Variants in NOL10 observed in about 807,000 individuals in gnomAD.
NOL10 encodes the protein nucleolar protein 10, also known as H_NH0074G24.1.
In NOL10, 58 loss-of-function variants were observed where a neutral mutation model predicts 103.5. That is an observed-to-expected ratio of 0.56 (90% CI 0.45 to 0.70). The LOEUF is 0.70. Among genes scored for constraint, NOL10 ranks in the 30% least tolerant of loss-of-function variants. NOL10 has a pLI of 0.00. For synonymous variants in NOL10, 287 were observed against 282.5 expected (o/e 1.02, Z -0.16); for missense variants, 763 against 807.3 (o/e 0.95, Z 0.67).
At chr2:10,678,393 T>C (rs1482408705) in intron 3 of NOL10, among the ~76,000 whole-genome samples, 1 of 150,340 alleles carries the variant, frequency 6.7e-6, no homozygotes, top group Non-Finnish European at 1.5e-5. Context: ...TTACAAGTAT[T>C]ACTTTGGCCA....
chr2:10,599,832 G>A (rs1258128666), intron 17 of NOL10, among the ~76,000 whole-genome samples: 1 of 152,110 alleles, frequency 6.6e-6, no homozygotes, highest in Non-Finnish European at 1.5e-5. Context: ...GTGACCCCAT[G>A]AAGACGAGCA....
At chr2:10,614,053 G>A (rs1676711022) in intron 13 of NOL10, among the ~76,000 whole-genome samples, 2 of 151,218 alleles carry the variant, frequency 1.3e-5, no homozygotes, top group Non-Finnish European at 2.9e-5. Flanking sequence ...TCCGCCTCCC[G>A]GGTTCAAGTG....
chr2:10,602,111 T>C (rs763171185), intron 16 of NOL10, among the ~76,000 whole-genome samples: 3 of 152,200 alleles, frequency 2.0e-5, no homozygotes, highest in Non-Finnish European at 4.4e-5. Context: ...CAGTTTGCAG[T>C]TTCCAACGCT....
At chr2:10,576,606 A>G (rs1462112030) in intron 20 of NOL10, among the ~76,000 whole-genome samples, 1 of 152,276 alleles carries the variant, frequency 6.6e-6, no homozygotes, top group East Asian at 1.9e-4. Context: ...GAAAGAAGCC[A>G]GCTATGAAAG....
In NOL10 at chr2:10,604,187, C is replaced by T. The variant is rs568033294; in HGVS notation, c.1154-1030G>A. Reference sequence around the variant, plus strand: ...AGTCATGCTCACTTACCACTCGCCTCCTGCTGTGTGGCCCGGTTCCTCATA... The same window carrying T: ...AGTCATGCTCACTTACCACTCGCCTTCTGCTGTGTGGCCCGGTTCCTCATA... On this transcript the variant is annotated intron_variant, in intron 14 of 20. Coordinates refer to ENST00000381685, the MANE Select transcript of NOL10 (RefSeq NM_024894.4). Among the ~76,000 whole-genome samples the T allele has an allele frequency of 4.6e-5, 7 of 152,286 alleles. No individual in the cohort carries two copies. In the East Asian group the frequency reaches 1.2e-3, roughly 25 times the overall value.
intron 4 of NOL10, 45 bp downstream of exon 4, chr2:10,675,749 C>A: frequency 1.8e-6 from 2 of 1,111,262 alleles, no homozygotes; most frequent in Non-Finnish European, 2.6e-6. Context: ...AAGCAGACAA[C>A]ATAAAAAGCC....
At chr2:10,636,580 A>C (rs1572344624) in intron 13 of NOL10, among the ~76,000 whole-genome samples, 1 of 150,116 alleles carries the variant, frequency 6.7e-6, no homozygotes, top group African/African-American at 2.5e-5. Flanking sequence ...AATGCACTCC[A>C]CCCTGGGAGA....
At chr2:10,683,397 A>G (rs1282124159) in intron 2 of NOL10, among the ~76,000 whole-genome samples, 1 of 152,238 alleles carries the variant, frequency 6.6e-6, no homozygotes, top group East Asian at 1.9e-4. Flanking sequence ...TACATGTAAA[A>G]TTCCTTTCTT....
chr2:10,611,285 A>C (rs1024899665), intron 13 of NOL10, among the ~76,000 whole-genome samples: 14 of 152,248 alleles, frequency 9.2e-5, no homozygotes, highest in African/African-American at 2.4e-5. Flanking sequence ...GAAGGCCACA[A>C]CTCAAATGCA....
Position 10,657,894 on chromosome 2 carries a change from G to GA in NOL10, c.757-4dup, listed in dbSNP as rs1433509920. On this transcript the variant is annotated splice_region_variant and splice_polypyrimidine_tract_variant and intron_variant, in intron 10 of 20. Coordinates refer to ENST00000381685, the MANE Select transcript of NOL10 (RefSeq NM_024894.4). Reference sequence around the variant, plus strand: ...GATCGAAGGTCATATAATAAAACCTGAAAAAAAATTATTTCTGTTTAAACA... The same window carrying GA: ...GATCGAAGGTCATATAATAAAACCTGAAAAAAAAATTATTTCTGTTTAAACA... The GA allele has an allele frequency of 2.7e-5, 40 of 1,500,778 alleles. No homozygotes were observed. Among genetic ancestry groups the GA allele is most frequent in the South Asian group, 1.9e-4 (14 of 75,468 alleles). The allele number at this position is 1,500,778 out of a possible 1,614,324, so 93.0% of individuals were successfully genotyped here.
intron 11 of NOL10, among the ~76,000 whole-genome samples, 158 bp from the exon 12 acceptor site, chr2:10,654,705 TTA>T (rs1679707958): frequency 6.6e-6 from 1 of 152,184 alleles, no homozygotes; most frequent in South Asian, 2.1e-4. Flanking sequence ...CTTAGAGAAT[TTA>T]TCTTATCAAT....
At chr2:10,646,838 T>C (rs1410151998) in intron 12 of NOL10, among the ~76,000 whole-genome samples, 1 of 152,198 alleles carries the variant, frequency 6.6e-6, no homozygotes, top group Admixed American at 6.5e-5. Context: ...ACCTCCTGCA[T>C]GATCAAGTAA....
chr2:10,652,230 A>T (rs1378246802), intron 12 of NOL10, among the ~76,000 whole-genome samples: 1 of 147,092 alleles, frequency 6.8e-6, no homozygotes, highest in Admixed American at 6.8e-5. Flanking sequence ...ACAGAGGGAG[A>T]CTCTGTCTCA....
chr2:10,575,366 G>T (rs187988764), intron 20 of NOL10, among the ~76,000 whole-genome samples: 27 of 152,286 alleles, frequency 1.8e-4, no homozygotes, highest in African/African-American at 6.5e-4. Context: ...AGTATAAAAA[G>T]AGACTTCTAT....
chr2:10,677,714 C>G (rs997640625), intron 3 of NOL10, among the ~76,000 whole-genome samples: 5 of 152,024 alleles, frequency 3.3e-5, no homozygotes, highest in Admixed American at 3.3e-4. Context: ...CTCAAGTGAT[C>G]CACCCACCTC....
Position 10,654,243 on chromosome 2 carries a change from T to C in NOL10, c.973+238A>G, listed in dbSNP as rs1223780801. 2.6e-5 allele frequency among the ~76,000 whole-genome samples: 4 copies of C among 152,350 alleles called. No individual in the cohort carries two copies. In the South Asian group the frequency reaches 8.3e-4, roughly 32 times the overall value. The stretch of plus-strand genomic sequence containing the variant: ...ACGTTCCACTAATAGCTGGGCGGGC[T>C]GAGCACTGAGTCATTAAGAGTGCCA... On this transcript the variant is annotated intron_variant, in intron 12 of 20. Transcript: ENST00000381685.
At chr2:10,592,348 T>A (rs1205615574) in intron 17 of NOL10, among the ~76,000 whole-genome samples, 2 of 151,942 alleles carry the variant, frequency 1.3e-5, no homozygotes, top group Non-Finnish European at 2.9e-5. Flanking sequence ...CTGGAGAGCA[T>A]TAGGAAAAAA....
intron 13 of NOL10, among the ~76,000 whole-genome samples, chr2:10,637,196 A>AAAAC (rs1678304188): frequency 6.7e-6 from 1 of 148,668 alleles, no homozygotes; most frequent in Non-Finnish European, 1.5e-5. Context: ...CTCAAAAAAA[A>AAAAC]AAAAAAAAAA....
chr2:10,664,807 T>G (rs1680468655), intron 8 of NOL10, among the ~76,000 whole-genome samples: 1 of 152,316 alleles, frequency 6.6e-6, no homozygotes, highest in Middle Eastern at 3.4e-3. Context: ...AGAGCTGGGA[T>G]GACGGACGTG....
Sources: gnomAD v4.1 joint callset for allele counts (sites outside exome capture counted in the v4.1 genomes callset) on GRCh38, gnomAD v4.1.1 for gene constraint, MANE v1.5 for transcripts, NCBI Gene and HGNC (gene_info 2026-07-23, HGNC 2026-07-21) for gene names.